Variants in IQCN observed in about 807,000 individuals in gnomAD.
IQCN encodes IQ domain-containing protein N.
In IQCN, 46 loss-of-function variants were observed where a neutral mutation model predicts 64.4. That is an observed-to-expected ratio of 0.71 (90% CI 0.56 to 0.91). The LOEUF (loss-of-function observed/expected upper bound fraction) is 0.91, where lower values mean the gene tolerates loss of function less well. IQCN is among the 40% of genes least tolerant of loss of function. The pLI is 0.00. For synonymous variants in IQCN, 733 were observed against 775.6 expected, an observed-to-expected ratio of 0.95 and a Z score of 0.91; for missense variants, 1,753 against 1,857.4, an observed-to-expected ratio of 0.94 and a Z score of 1.03.
chr19:18,269,482 T>C lies in IQCN; in HGVS notation c.-4A>G, dbSNP rs1969686815. On this transcript the variant is annotated 5_prime_UTR_variant, in exon 2 of 4. Coordinates refer to ENST00000392413, the MANE Select transcript of IQCN (RefSeq NM_001145304.2). ...TCTTCTTACCTTGAAGGGTCATAGA[T>C]TTGGAGGAGTAGCAGGAGAAGAAGG... The C allele has an allele frequency of 6.2e-7, 1 of 1,613,666 alleles. No individual in the cohort carries two copies. The highest frequency in any genetic ancestry group is 1.7e-5 in the Admixed American group (1 of 59,980).
rs147482351 is a variant in IQCN, at chr19:18,265,021, C to T, written c.2519G>A (p.Gly840Asp). The change falls in exon 3 of 4, where the codon GGC becomes GAC. Residue 840 changes from glycine (G) to aspartate (D), a missense_variant. By Grantham distance (94) the Gly-to-Asp change is moderately conservative (BLOSUM62 -1). Transcript: ENST00000392413. The surrounding 1 kb of genome is among the most constrained non-coding windows in gnomAD (Gnocchi z 4.7). ...GMLVPPMAPT[G>D]HSTCNVESWG... ...GGACTCAACGTTGCATGTGGAATGG[C>T]CGGTGGGTGCCATCGGCGGCACCAG... 13 of 1,602,996 alleles carry T rather than the reference C, an allele frequency of 8.1e-6. No homozygotes were observed. Among genetic ancestry groups the T allele is most frequent in the East Asian group, 4.5e-5 (2 of 44,880 alleles).
intron 1 of IQCN, among the ~76,000 whole-genome samples, chr19:18,272,613 CT>C (rs56180429): frequency 0.013 from 1,854 of 142,632 alleles, 9 homozygotes; most frequent in Middle Eastern, 0.037. Context: ...ATTGTGCTCA[CT>C]TTTTTTTTTT....
At chr19:18,273,053 C>T (rs915874251) in intron 1 of IQCN, among the ~76,000 whole-genome samples, 9 of 152,058 alleles carry the variant, frequency 5.9e-5, no homozygotes, top group South Asian at 2.1e-4. Context: ...TTGAGATGGA[C>T]GGAATCTTGC....
rs1303895526 is a variant in IQCN, at chr19:18,267,388, G to A, written c.152C>T (p.Pro51Leu). 1.2e-6 allele frequency: 2 copies of A among 1,603,308 alleles called. No individual in the cohort carries two copies. The highest frequency in any genetic ancestry group is 1.7e-6 in the Non-Finnish European group (2 of 1,174,498). The change falls in exon 3 of 4, where the codon CCT becomes CTT. Residue 51 changes from proline (P) to leucine (L), a missense_variant. Pro to Leu is a moderately conservative substitution (Grantham distance 98). Coordinates refer to ENST00000392413, the MANE Select transcript of IQCN (RefSeq NM_001145304.2). ...GAGGCCCTCGTGCTGGGGCTGTGGA[G>A]GCGCTTTCTCCATTTTGTCCAGGAG... is the stretch of plus-strand genomic sequence containing the variant. ...PSLLDKMEKA[P>L]PQPQHEGLKS... is the part of the protein sequence containing the mutation.
rs749613223 is a variant in IQCN, at chr19:18,266,591, G to A, written c.949C>T (p.Pro317Ser). 12 of 1,613,486 alleles carry A rather than the reference G, an allele frequency of 7.4e-6. No homozygotes were observed. The highest frequency in any genetic ancestry group is 8.5e-6 in the Non-Finnish European group (10 of 1,179,730). Residue 317 changes from proline (P) to serine (S), a missense_variant, in exon 3 of 4, where the codon CCT becomes TCT. Coordinates refer to ENST00000392413, the MANE Select transcript of IQCN (RefSeq NM_001145304.2). The surrounding 1 kb of genome is among the most constrained non-coding windows in gnomAD (Gnocchi z 4.3). ...GCTTTGGGGGTCTCTGCTTTCACAG[G>A]GCCCTGGGTTTGGGCTCTGGATGGT... ...TRPSRAQTQG[P>S]VKAETPKAPF... is the part of the protein sequence containing the mutation.
In IQCN at chr19:18,264,524, G is replaced by A. The variant is rs980058200; in HGVS notation, c.3016C>T (p.Arg1006Trp). The A allele has an allele frequency of 1.4e-5, 21 of 1,551,260 alleles. No individual in the cohort carries two copies. Among genetic ancestry groups the A allele is most frequent in the Admixed American group, 7.8e-5 (4 of 50,982 alleles). ...LGALLSQSWCRVALRTGTILP... is the reference protein window; with the variant it reads ...LGALLSQSWCWVALRTGTILP... ...ATGGTTCCAGTCCTCAGGGCCACCC[G>A]ACACCAAGACTGGCTCAGGAGAGCA... The change falls in exon 3 of 4, where the codon CGG becomes TGG. Residue 1006 changes from arginine to tryptophan, a missense_variant. By Grantham distance (101) the Arg-to-Trp change is moderately radical (BLOSUM62 -3). Coordinates refer to ENST00000392413, the MANE Select transcript of IQCN (RefSeq NM_001145304.2). This position sits in a 1 kb window ranked among gnomAD's most constrained non-coding sequence, Gnocchi z 4.3.
At position 18,264,402 on chromosome 19, in the gene IQCN, C is replaced by T; in HGVS notation, c.3138G>A (p.Trp1046Ter). ...GTCTCACGGGGCCCAGGGAGGGCCC[C>T]CATGCGGCCGATGGACTCCTCCTGC... ...VACRRSPSAA[W>*]GPSLGPVRPQ... Residue 1046 changes from tryptophan (W) to a stop codon, truncating the protein, a stop_gained, in exon 3 of 4, where the codon TGG becomes TGA. Coordinates refer to ENST00000392413, the MANE Select transcript of IQCN (RefSeq NM_001145304.2). LOFTEE classifies it low-confidence loss of function (END_TRUNC). The surrounding 1 kb of genome is among the most constrained non-coding windows in gnomAD (Gnocchi z 4.3). The T allele has an allele frequency of 6.5e-7, 1 of 1,529,254 alleles. No individual in the cohort carries two copies. The highest frequency in any genetic ancestry group is 8.8e-7 in the Non-Finnish European group (1 of 1,135,450). 94.7% of individuals were successfully genotyped at this position (1,529,254 alleles called of 1,614,324 possible). A position where few individuals can be genotyped will look rare whatever the true frequency, so the allele number is the denominator to read the frequency against.
Position 18,265,428 on chromosome 19 carries a change from T to C in IQCN, c.2112A>G (p.Pro704=). The change falls in exon 3 of 4, where the codon CCA becomes CCG. Residue 704 remains proline, a synonymous_variant. Transcript: ENST00000392413. This position sits in a 1 kb window ranked among gnomAD's most constrained non-coding sequence, Gnocchi z 4.7. The part of the protein sequence containing the change: ...GHLPTELTKT[P]SLAHLDTCLS... ...GACAGGTGTCCAGATGGGCCAGGGATGGGGTCTTGGTCAGCTCAGTGGGCA... is the reference window on the plus strand; with the variant it reads ...GACAGGTGTCCAGATGGGCCAGGGACGGGGTCTTGGTCAGCTCAGTGGGCA... 1 of 1,614,124 alleles carries C rather than the reference T, an allele frequency of 6.2e-7. No individual in the cohort carries two copies. Among genetic ancestry groups the C allele is most frequent in the Non-Finnish European group, 8.5e-7 (1 of 1,179,996 alleles).
chr19:18,260,422 T>G (rs892852516), intron 3 of IQCN: 2 of 152,544 alleles, frequency 1.3e-5, no homozygotes, highest in African/African-American at 4.8e-5. Flanking sequence ...CACTGCAGAT[T>G]TGAATCCAGC....
chr19:18,263,919 A>G (rs10854163), intron 3 of IQCN, among the ~76,000 whole-genome samples: 82,763 of 151,930 alleles, frequency 0.54, 23,596 homozygotes, highest in African/African-American at 0.71. Context: ...TGTGCCATAG[A>G]TCACAGAGGG....
chr19:18,272,953 CTTTG>C (rs900086798), intron 1 of IQCN, among the ~76,000 whole-genome samples: 12 of 152,112 alleles, frequency 7.9e-5, no homozygotes, highest in African/African-American at 2.4e-4. Flanking sequence ...AAAGAAATTC[CTTTG>C]TTTATCACAT....
Position 18,265,537 on chromosome 19 carries a change from T to G in IQCN, c.2003A>C (p.Asn668Thr). The stretch of plus-strand genomic sequence containing the variant: ...GGGTGGATGTCTCTGGGATGAGGCA[T>G]TGGTCAGTGGGGCAGCCAGCTGTCC... ...PRGQLAAPLTNASSQRHPPCL... is the reference protein window; with the variant it reads ...PRGQLAAPLTTASSQRHPPCL... The change falls in exon 3 of 4, where the codon AAT becomes ACT. Residue 668 changes from asparagine (N) to threonine (T), a missense_variant. Coordinates refer to ENST00000392413, the MANE Select transcript of IQCN (RefSeq NM_001145304.2). The surrounding 1 kb of genome is among the most constrained non-coding windows in gnomAD (Gnocchi z 4.7). The G allele has an allele frequency of 6.2e-7, 1 of 1,612,244 alleles. No homozygotes were observed. The highest frequency in any genetic ancestry group is 8.5e-7 in the Non-Finnish European group (1 of 1,178,674).
chr19:18,272,856 C>T (rs1969768175), intron 1 of IQCN, among the ~76,000 whole-genome samples: 1 of 151,764 alleles, frequency 6.6e-6, no homozygotes. Context: ...GTGATTCGCC[C>T]ACCTCGGCCT....
intron 1 of IQCN, among the ~76,000 whole-genome samples, chr19:18,271,902 T>C (rs941639874): frequency 4.6e-5 from 7 of 152,016 alleles, no homozygotes; most frequent in African/African-American, 1.7e-4. Context: ...CTCCGCCTCC[T>C]GGGTTCAAGC....
rs1969565264 is a variant in IQCN at position 18,265,946 on chromosome 19, G to A, written c.1594C>T (p.Pro532Ser). ...SPTVANVKAPPQVAVAAGTPN... is the reference protein window; with the variant it reads ...SPTVANVKAPSQVAVAAGTPN... Reference sequence around the variant, plus strand: ...GTTCCGGCTGCTACCGCCACTTGGGGTGGAGCCTTGACATTTGCCACTGTT... The same window carrying A: ...GTTCCGGCTGCTACCGCCACTTGGGATGGAGCCTTGACATTTGCCACTGTT... Residue 532 changes from proline to serine, a missense_variant, in exon 3 of 4, where the codon CCC becomes TCC. Transcript: ENST00000392413. The surrounding 1 kb of genome is among the most constrained non-coding windows in gnomAD (Gnocchi z 4.7). 3 of 1,614,198 alleles carry A rather than the reference G, an allele frequency of 1.9e-6. No individual in the cohort carries two copies. The highest frequency in any genetic ancestry group is 1.7e-6 in the Non-Finnish European group (2 of 1,180,038).
At position 18,266,199 on chromosome 19, in the gene IQCN, C is replaced by T; in HGVS notation, c.1341G>A (p.Gly447=). 1 of 1,613,874 alleles carries T rather than the reference C, an allele frequency of 6.2e-7. No homozygotes were observed. The highest frequency in any genetic ancestry group is 1.1e-5 in the South Asian group (1 of 91,058). Reference sequence around the variant, plus strand: ...GGGGTGGGGTCTTTGCCATCGCAGGCCCCGGGCATACCTGGGGCAGGCTCT... The same window carrying T: ...GGGGTGGGGTCTTTGCCATCGCAGGTCCCGGGCATACCTGGGGCAGGCTCT... ...IMKSLPQVCP[G]PAMAKTPPQM... The change falls in exon 3 of 4, where the codon GGG becomes GGA. Residue 447 remains glycine (G), a synonymous_variant. Transcript: ENST00000392413. The surrounding 1 kb of genome is among the most constrained non-coding windows in gnomAD (Gnocchi z 4.3).
chr19:18,269,672 TAA>T (rs71886739), intron 1 of IQCN, 85 bp from the exon 2 acceptor site: 6,996 of 373,820 alleles, frequency 0.019, no homozygotes, highest in South Asian at 0.036. Context: ...AGCTAAATTC[TAA>T]AAAAAAAAAA....
chr19:18,257,182 A>G lies in IQCN; in HGVS notation c.4102T>C (p.Ter1368GlnextTer22). 6.2e-7 allele frequency: 1 copy of G among 1,612,666 alleles called. No individual in the cohort carries two copies. Among genetic ancestry groups the G allele is most frequent in the Non-Finnish European group, 8.5e-7 (1 of 1,179,976 alleles). The stretch of plus-strand genomic sequence containing the variant: ...CCCCACTGCAGGGAGCCAGGGTCCT[A>G]GATGCCAGGCCAATGCATGTGCCGT... ...SSRHMHWPGI[*>Q] Residue 1368 changes from the stop codon to glutamine, a stop_lost, in exon 4 of 4, where the codon TAG (stop) becomes CAG (glutamine). Transcript: ENST00000392413.
chr19:18,258,525 ACT>A (rs1160802033), intron 3 of IQCN: 16 of 431,288 alleles, frequency 3.7e-5, no homozygotes, highest in African/African-American at 1.2e-4. Flanking sequence ...GTTTCCAGAC[ACT>A]GTTTTCTGGA....
Sources: gnomAD v4.1 joint callset for allele counts (sites outside exome capture counted in the v4.1 genomes callset) on GRCh38, gnomAD v4.1.1 for gene constraint, Gnocchi (gnomAD v3.1) non-coding constraint, MANE v1.5 for transcripts, NCBI Gene and HGNC (gene_info 2026-07-23, HGNC 2026-07-21) for gene names.